Variants in ADAM12 observed in about 807,000 individuals in gnomAD.
ADAM12 encodes disintegrin and metalloproteinase domain-containing protein 12.
Under a neutral mutation model 106.4 loss-of-function variants are expected in ADAM12, and 70 were observed. That is an observed-to-expected ratio of 0.66 (90% CI 0.54 to 0.80). The LOEUF (loss-of-function observed/expected upper bound fraction) is 0.80, where lower values mean the gene tolerates loss of function less well. Ranked by LOEUF, ADAM12 falls within the 30% of genes least tolerant of loss-of-function variation. The pLI is 0.00. For missense variants in ADAM12, 1,010 were observed against 1,171.9 expected (o/e 0.86, Z 2.02); for synonymous variants, 420 against 433.5 (o/e 0.97, Z 0.39).
rs1032135953 is a variant in ADAM12 at position 126,014,751 on chromosome 10, T to G, written c.*2528A>C. The G allele has an allele frequency of 6.6e-6, 1 of 152,100 alleles. No individual in the cohort carries two copies. Among genetic ancestry groups the G allele is most frequent in the Admixed American group, 6.5e-5 (1 of 15,276 alleles). 9.4% of individuals were successfully genotyped at this position (152,100 alleles called of 1,614,324 possible). The stretch of plus-strand genomic sequence containing the variant: ...GAAGAAAAGTAGCCTCTGGGCTACT[T>G]TGTGTCTAGTCACATTGACTTTCCA... On this transcript the variant is annotated 3_prime_UTR_variant, in exon 23 of 23. Transcript: ENST00000448723.
Position 126,356,477 on chromosome 10 carries a change from A to G in ADAM12, c.89-25968T>C, listed in dbSNP as rs2133895057. ...ATTGGCCCATCCGGAATCACAGGCT[A>G]GACTAAATAGTAAAGGTGTATTTCT... is the stretch of plus-strand genomic sequence containing the variant. On this transcript the variant is annotated intron_variant, in intron 1 of 22. Transcript: ENST00000448723. Among the ~76,000 whole-genome samples, 3 of 152,334 alleles carry G rather than the reference A, an allele frequency of 2.0e-5. No individual in the cohort carries two copies. In the Middle Eastern group the frequency reaches 0.01, roughly 518 times the overall value.
At position 126,049,648 on chromosome 10, in the gene ADAM12, A is replaced by T; in HGVS notation, c.1631T>A (p.Ile544Asn). The T allele has an allele frequency of 6.2e-7, 1 of 1,614,158 alleles. No homozygotes were observed. Among genetic ancestry groups the T allele is most frequent in the Non-Finnish European group, 8.5e-7 (1 of 1,180,026 alleles). Residue 544 changes from isoleucine to asparagine, a missense_variant, in exon 15 of 23, where the codon ATC becomes AAC. By Grantham distance (149) the Ile-to-Asn change is moderately radical (BLOSUM62 -3). This residue lies in a region of ADAM12 where 615 missense variants were observed against 708.5 expected (regional missense o/e 0.87). Transcript: ENST00000448723. The surrounding 1 kb of genome is among the most constrained non-coding windows in gnomAD (Gnocchi z 4.4). ...TGCAGAATTGACTCTCTCAAAGCAG[A>T]TCCCAGGGGCAGGTTTAGCACCTGA... ...WGPGAKPAPG[I>N]CFERVNSAGD...
At chr10:126,145,867 G>A (rs943881282) in intron 4 of ADAM12, among the ~76,000 whole-genome samples, 2 of 152,254 alleles carry the variant, frequency 1.3e-5, no homozygotes, top group African/African-American at 4.8e-5. Flanking sequence ...ACATAGGCAT[G>A]TGTGAAAAGG....
At chr10:126,268,596 C>T (rs946422708) in intron 3 of ADAM12, among the ~76,000 whole-genome samples, 6 of 152,176 alleles carry the variant, frequency 3.9e-5, no homozygotes, top group Non-Finnish European at 1.5e-5. Context: ...CACTAATGAA[C>T]TGTGAAAACA....
At chr10:126,308,760 T>G (rs1960955178) in intron 2 of ADAM12, among the ~76,000 whole-genome samples, 1 of 152,206 alleles carries the variant, frequency 6.6e-6, no homozygotes, top group East Asian at 1.9e-4. Flanking sequence ...AAACTGAACA[T>G]CTCATCTCAG....
chr10:126,023,908 GAA>G (rs5788761), intron 21 of ADAM12, among the ~76,000 whole-genome samples: 3 of 140,750 alleles, frequency 2.1e-5, no homozygotes, highest in Non-Finnish European at 4.7e-5. Flanking sequence ...TGAACTCATG[GAA>G]AAAAAAAAAA....
intron 3 of ADAM12, among the ~76,000 whole-genome samples, chr10:126,249,556 C>T (rs1958703570): frequency 6.6e-6 from 1 of 152,068 alleles, no homozygotes; most frequent in Admixed American, 6.5e-5. Flanking sequence ...AAATTAGCCG[C>T]GTGTGGTGGC....
chr10:126,274,243 A>G (rs547491805), intron 3 of ADAM12, among the ~76,000 whole-genome samples: 2 of 152,326 alleles, frequency 1.3e-5, no homozygotes, highest in East Asian at 3.9e-4. Context: ...ATGAAGTGGC[A>G]GGTGGCTCTC....
intron 1 of ADAM12, among the ~76,000 whole-genome samples, chr10:126,374,389 T>G (rs1856207678): frequency 6.6e-6 from 1 of 152,042 alleles, no homozygotes; most frequent in African/African-American, 2.4e-5. Flanking sequence ...CCTAAGAACT[T>G]TAAATAATAA....
In ADAM12 at chr10:126,044,053, T is replaced by G. The variant is rs528324813; in HGVS notation, c.1996-905A>C. On this transcript the variant is annotated intron_variant, in intron 17 of 22. Coordinates refer to ENST00000448723, the MANE Select transcript of ADAM12 (RefSeq NM_001288973.2). ...TGTCCATGCTGGTTGGACTCGCTAT[T>G]ATGCCAGATGTAACTAACTGAAAGT... 3.3e-5 allele frequency among the ~76,000 whole-genome samples: 5 copies of G among 152,296 alleles called. No individual in the cohort carries two copies. The East Asian group carries it at 9.7e-4, about 29-fold the overall frequency.
At chr10:126,147,595 G>A (rs1319053238) in intron 4 of ADAM12, among the ~76,000 whole-genome samples, 2 of 152,158 alleles carry the variant, frequency 1.3e-5, no homozygotes, top group African/African-American at 4.8e-5. Flanking sequence ...GCATCAGCCT[G>A]GAACGTTTCT....
intron 3 of ADAM12, among the ~76,000 whole-genome samples, chr10:126,250,451 G>T (rs1417219217): frequency 6.6e-6 from 1 of 152,072 alleles, no homozygotes. Context: ...TTTTAGGCAG[G>T]GAATATTCTG....
chr10:126,232,490 T>C (rs1026191939), intron 3 of ADAM12, among the ~76,000 whole-genome samples: 2 of 152,166 alleles, frequency 1.3e-5, no homozygotes, highest in African/African-American at 4.8e-5. Context: ...TTTGAAGCCA[T>C]GAAGTTTGTA....
intron 4 of ADAM12, among the ~76,000 whole-genome samples, chr10:126,138,795 G>C (rs938118698): frequency 2.1e-5 from 3 of 143,170 alleles, no homozygotes. Context: ...CCTAACCTAA[G>C]GTCATAAAGA....
At chr10:126,026,467 C>G (rs1953875155) in intron 21 of ADAM12, among the ~76,000 whole-genome samples, 1 of 152,182 alleles carries the variant, frequency 6.6e-6, no homozygotes, top group Non-Finnish European at 1.5e-5. Flanking sequence ...CCAAAACCAA[C>G]AATCTACATT....
At chr10:126,018,441 T>C (rs953689993) in intron 22 of ADAM12, among the ~76,000 whole-genome samples, 7 of 152,174 alleles carry the variant, frequency 4.6e-5, no homozygotes, top group Non-Finnish European at 8.8e-5. Flanking sequence ...CTGACATCAC[T>C]AAACATGGAA....
At chr10:126,369,996 A>C (rs1166761010) in intron 1 of ADAM12, among the ~76,000 whole-genome samples, 1 of 152,198 alleles carries the variant, frequency 6.6e-6, no homozygotes, top group Admixed American at 6.5e-5. Context: ...GCCTTGATGA[A>C]GCAAGCTTCT....
intron 3 of ADAM12, among the ~76,000 whole-genome samples, chr10:126,172,429 T>C (rs575799384): frequency 1.3e-5 from 2 of 152,078 alleles, no homozygotes; most frequent in South Asian, 4.2e-4. Context: ...AACAACCCCA[T>C]CAAAAAGTGG....
chr10:126,375,083 C>T (rs1856236236), intron 1 of ADAM12, among the ~76,000 whole-genome samples: 1 of 152,008 alleles, frequency 6.6e-6, no homozygotes, highest in Non-Finnish European at 1.5e-5. Flanking sequence ...AATCGCCAAC[C>T]TCTGGTTTGG....
Sources: allele counts gnomAD v4.1 joint callset (sites outside exome capture counted in the v4.1 genomes callset), GRCh38; gene constraint gnomAD v4.1.1; regional missense constraint gnomAD v4.1.1; non-coding constraint Gnocchi (gnomAD v3.1); transcripts MANE v1.5; gene names NCBI Gene and HGNC (gene_info 2026-07-23, HGNC 2026-07-21).